ITPKB: variants seen among roughly 807,000 people sequenced by gnomAD.
ITPKB encodes the protein inositol-trisphosphate 3-kinase B.
Under a neutral mutation model 69.4 loss-of-function variants are expected in ITPKB, and 13 were observed. That is an observed-to-expected ratio of 0.19 (90% CI 0.12 to 0.30). The LOEUF (loss-of-function observed/expected upper bound fraction) is 0.30, where lower values mean the gene tolerates loss of function less well. ITPKB is among the 10% of genes least tolerant of loss of function. The probability of loss-of-function intolerance (pLI) is 1.00; values close to 1 mark genes in which losing one functional copy is unlikely to be tolerated. For synonymous variants in ITPKB, 584 were observed against 513.7 expected, an observed-to-expected ratio of 1.14 and a Z score of -1.85; for missense variants, 1,240 against 1,250.5, an observed-to-expected ratio of 0.99 and a Z score of 0.13.
chr1:226,664,947 G>A (rs950950535), intron 2 of ITPKB, among the ~76,000 whole-genome samples: 1 of 152,210 alleles, frequency 6.6e-6, no homozygotes, highest in African/African-American at 2.4e-5. Context: ...AGGATAGCCA[G>A]CCAGCAGAGG....
rs1558103718 is a variant in ITPKB, at chr1:226,737,368, TGCCACTGGGCCCCGGGCCGCCGCC to T, written c.67_90del (p.Gly23_Gly30del). 3.7e-6 allele frequency: 6 copies of T among 1,608,196 alleles called. No homozygotes were observed. In the Admixed American group the frequency reaches 1.0e-4, roughly 27 times the overall value. ...CTCCTCGGGGGCGGGGGCGTCTCGC[TGCCACTGGGCCCCGGGCCGCCGCC>T]GCTCTTCATCTCGTTGGCGCTATTC... is the stretch of plus-strand genomic sequence containing the variant. On this transcript the variant is annotated inframe_deletion, in exon 2 of 8. Coordinates refer to ENST00000429204, the MANE Select transcript of ITPKB (RefSeq NM_002221.4).
At chr1:226,651,002 T>C (rs1386566334) in intron 2 of ITPKB, among the ~76,000 whole-genome samples, 1 of 152,112 alleles carries the variant, frequency 6.6e-6, no homozygotes, top group Non-Finnish European at 1.5e-5. Flanking sequence ...TTATATTTTA[T>C]GTATACAGGA....
chr1:226,661,718 C>T (rs562667750), intron 2 of ITPKB, among the ~76,000 whole-genome samples: 2 of 152,314 alleles, frequency 1.3e-5, no homozygotes, highest in Admixed American at 6.5e-5. Context: ...TACACAAGAG[C>T]ACTCAACAGA....
At chr1:226,735,124 A>G (rs999992819) in intron 2 of ITPKB, among the ~76,000 whole-genome samples, 1 of 152,242 alleles carries the variant, frequency 6.6e-6, no homozygotes, top group Admixed American at 6.5e-5. Context: ...GGCCTGAATG[A>G]AACACAGAGT....
At chr1:226,660,738 T>C (rs1669388211) in intron 2 of ITPKB, among the ~76,000 whole-genome samples, 1 of 151,802 alleles carries the variant, frequency 6.6e-6, no homozygotes, top group Non-Finnish European at 1.5e-5. Context: ...GGACCAACAA[T>C]AGGAGGAAAC....
chr1:226,703,563 C>T (rs1463011042), intron 2 of ITPKB, among the ~76,000 whole-genome samples: 1 of 152,172 alleles, frequency 6.6e-6, no homozygotes, highest in Admixed American at 6.5e-5. Context: ...AAGCCCGCGG[C>T]CGGGGAGGGG....
chr1:226,679,987 G>C (rs575506138), intron 2 of ITPKB, among the ~76,000 whole-genome samples: 1 of 152,334 alleles, frequency 6.6e-6, no homozygotes, highest in African/African-American at 2.4e-5. Flanking sequence ...TCAACACCCA[G>C]TAGATTTCCT....
chr1:226,725,627 G>T (rs1657388753), intron 2 of ITPKB, among the ~76,000 whole-genome samples: 1 of 152,172 alleles, frequency 6.6e-6, no homozygotes, highest in Non-Finnish European at 1.5e-5. Flanking sequence ...TTCAGCAGCT[G>T]GCAGCCCTGT....
intron 2 of ITPKB, among the ~76,000 whole-genome samples, chr1:226,720,084 A>T (rs1277225344): frequency 6.6e-6 from 1 of 152,238 alleles, no homozygotes; most frequent in Non-Finnish European, 1.5e-5. Context: ...CTGCAGTTGC[A>T]TCTATTACAT....
chr1:226,685,635 A>G (rs984546279), intron 2 of ITPKB, among the ~76,000 whole-genome samples: 1 of 150,816 alleles, frequency 6.6e-6, no homozygotes, highest in Non-Finnish European at 1.5e-5. Context: ...CTACCCAACG[A>G]CTCTGTGATC....
Position 226,668,539 on chromosome 1 carries a change from T to G in ITPKB, c.1933-19768A>C, listed in dbSNP as rs542699451. Among the ~76,000 whole-genome samples the G allele has an allele frequency of 1.7e-4, 26 of 152,354 alleles. No homozygotes were observed. The South Asian group carries it at 5.4e-3, about 32-fold the overall frequency. On this transcript the variant is annotated intron_variant, in intron 2 of 7. Coordinates refer to ENST00000429204, the MANE Select transcript of ITPKB (RefSeq NM_002221.4). ...TACCAGACCACTTGGGAGTTTCTAT[T>G]TATGTTTCTGACTTTTCAACAATGA... is the stretch of plus-strand genomic sequence containing the variant.
intron 2 of ITPKB, among the ~76,000 whole-genome samples, chr1:226,649,957 G>C (rs963453672): frequency 6.6e-6 from 1 of 152,198 alleles, no homozygotes; most frequent in South Asian, 2.1e-4. Context: ...CCGTCCTCAG[G>C]GGGGCGATGA....
At chr1:226,638,726 C>T (rs1025043664) in intron 6 of ITPKB, among the ~76,000 whole-genome samples, 3 of 152,144 alleles carry the variant, frequency 2.0e-5, no homozygotes, top group Admixed American at 6.5e-5. Flanking sequence ...CTCGCCAGCT[C>T]TTGCTGGCAG....
chr1:226,730,497 T>C (rs1657558255), intron 2 of ITPKB, among the ~76,000 whole-genome samples: 1 of 152,174 alleles, frequency 6.6e-6, no homozygotes, highest in African/African-American at 2.4e-5. Context: ...GGCCTTGTCA[T>C]GGAGTTGAGA....
rs773943339 is a variant in ITPKB, at chr1:226,637,780, A to AGCGCCGCGT, written c.2554-39_2554-31dup. 5 of 1,571,168 alleles carry AGCGCCGCGT rather than the reference A, an allele frequency of 3.2e-6. No individual in the cohort carries two copies. The East Asian group carries it at 9.0e-5, about 28-fold the overall frequency. On this transcript the variant is annotated intron_variant, in intron 6 of 7. Transcript: ENST00000429204. The surrounding 1 kb of genome is among the most constrained non-coding windows in gnomAD (Gnocchi z 4.3). ...GAATAGAAAGAGGACCAGATTTTTA[A>AGCGCCGCGT]GCGCCGCGTGGGGAAGGGCAGTGTC...
chr1:226,736,439 C>T lies in ITPKB; in HGVS notation c.1020G>A (p.Glu340=), dbSNP rs1362145916. ...ARELEDLQPP[E]ALVERQGQFL... Reference sequence around the variant, plus strand: ...ACTGCCCCTGCCTCTCCACCAGGGCCTCTGGGGGCTGCAGGTCCTCAAGCT... The same window carrying T: ...ACTGCCCCTGCCTCTCCACCAGGGCTTCTGGGGGCTGCAGGTCCTCAAGCT... Residue 340 remains glutamate (E), a synonymous_variant, in exon 2 of 8, where the codon GAG becomes GAA. Transcript: ENST00000429204. 3 of 1,613,462 alleles carry T rather than the reference C, an allele frequency of 1.9e-6. 1 individual carries two copies. The highest frequency in any genetic ancestry group is 2.2e-5 in the East Asian group (1 of 44,880).
chr1:226,653,946 C>G (rs1201388385), intron 2 of ITPKB, among the ~76,000 whole-genome samples: 1 of 152,218 alleles, frequency 6.6e-6, no homozygotes, highest in Non-Finnish European at 1.5e-5. Context: ...ATTTGTCACC[C>G]CTGCCTGTTG....
rs982680446 is a variant in ITPKB at position 226,634,334 on chromosome 1, C to G, written c.*337G>C. 5.6e-5 allele frequency: 16 copies of G among 284,214 alleles called. No homozygotes were observed. Among genetic ancestry groups the G allele is most frequent in the Admixed American group, 4.3e-4 (9 of 20,748 alleles). The allele number at this position is 284,214 out of a possible 1,614,324, so 17.6% of individuals were successfully genotyped here. On this transcript the variant is annotated 3_prime_UTR_variant, in exon 8 of 8. Coordinates refer to ENST00000429204, the MANE Select transcript of ITPKB (RefSeq NM_002221.4). This position sits in a 1 kb window ranked among gnomAD's most constrained non-coding sequence, Gnocchi z 6.3. Reference sequence around the variant, plus strand: ...GGCCTCCGCAGGTGGTAGGTCCAGGCTGGTGCTTCCTAGGGGGCTCCCAGA... The same window carrying G: ...GGCCTCCGCAGGTGGTAGGTCCAGGGTGGTGCTTCCTAGGGGGCTCCCAGA...
rs755637555 is a variant in ITPKB, at chr1:226,648,622, C to G, written c.2032+50G>C. On this transcript the variant is annotated intron_variant, in intron 3 of 7. Transcript: ENST00000429204. ...CAGAATGCAGCGTCCAGGGCACCTCCCCAGAGGGCTGAGCACCATGCTGGG... is the reference window on the plus strand; with the variant it reads ...CAGAATGCAGCGTCCAGGGCACCTCGCCAGAGGGCTGAGCACCATGCTGGG... 4 of 1,177,010 alleles carry G rather than the reference C, an allele frequency of 3.4e-6. No homozygotes were observed. In the Admixed American group the frequency reaches 6.7e-5, roughly 20 times the overall value. The allele number at this position is 1,177,010 out of a possible 1,614,324, so 72.9% of individuals were successfully genotyped here. A position where few individuals can be genotyped will look rare whatever the true frequency, so the allele number is the denominator to read the frequency against.
Sources: gnomAD v4.1 joint callset for allele counts (sites outside exome capture counted in the v4.1 genomes callset) on GRCh38, gnomAD v4.1.1 for gene constraint, Gnocchi (gnomAD v3.1) non-coding constraint, MANE v1.5 for transcripts, NCBI Gene and HGNC (gene_info 2026-07-23, HGNC 2026-07-21) for gene names.